Variants in AOPEP observed in about 807,000 individuals in gnomAD.
AOPEP encodes aminopeptidase O.
In AOPEP, 77 loss-of-function variants were observed where a neutral mutation model predicts 98.1. That is an observed-to-expected ratio of 0.78 (90% CI 0.65 to 0.95). The LOEUF (loss-of-function observed/expected upper bound fraction) is 0.95, where lower values mean the gene tolerates loss of function less well. Ranked by LOEUF, AOPEP falls within the 40% of genes least tolerant of loss-of-function variation. AOPEP has a pLI of 0.00. For synonymous variants in AOPEP, 346 were observed against 365.3 expected (o/e 0.95, Z 0.60); for missense variants, 1,024 against 1,024.7 (o/e 1.00, Z 0.01).
At chr9:95,128,209 A>G in the AOPEP span, among the ~76,000 whole-genome samples, 1 of 152,240 alleles carries the variant, frequency 6.6e-6, no homozygotes, top group Non-Finnish European at 1.5e-5. Context: ...AAAAGTTTCT[A>G]TGTATTCATA....
chr9:95,076,453 G>T (rs2069079213), intron 14 of AOPEP, among the ~76,000 whole-genome samples: 1 of 152,146 alleles, frequency 6.6e-6, no homozygotes, highest in Admixed American at 6.5e-5. Flanking sequence ...ATCTGTCAGG[G>T]TCTCGCTAAT....
At chr9:95,013,139 CAGT>C (rs1401896001) in intron 13 of AOPEP, among the ~76,000 whole-genome samples, 3 of 151,972 alleles carry the variant, frequency 2.0e-5, no homozygotes, top group Non-Finnish European at 2.9e-5. Context: ...TCCTTTTACT[CAGT>C]AGGCCAATTA....
chr9:95,092,273 C>T, the AOPEP span, among the ~76,000 whole-genome samples: 3 of 152,106 alleles, frequency 2.0e-5, no homozygotes, highest in Admixed American at 1.3e-4. Flanking sequence ...AGGGGGTGGG[C>T]CCAGGGGGAG....
At chr9:94,774,849 T>C (rs1451275057) in intron 3 of AOPEP, among the ~76,000 whole-genome samples, 1 of 152,234 alleles carries the variant, frequency 6.6e-6, no homozygotes, top group African/African-American at 2.4e-5. Flanking sequence ...CCTGGAACTT[T>C]GCTCATCTGA....
At chr9:94,869,537 A>G (rs952191028) in intron 5 of AOPEP, among the ~76,000 whole-genome samples, 3 of 152,218 alleles carry the variant, frequency 2.0e-5, no homozygotes, top group Non-Finnish European at 4.4e-5. Flanking sequence ...TGTGGGCTGG[A>G]AAAGTTTACT....
intron 14 of AOPEP, among the ~76,000 whole-genome samples, chr9:95,067,229 C>G (rs1230070420): frequency 1.3e-5 from 2 of 152,160 alleles, no homozygotes; most frequent in Non-Finnish European, 2.9e-5. Flanking sequence ...AGCTTTACCC[C>G]TTGTGTTCAG....
chr9:94,900,410 C>T (rs765994649), intron 5 of AOPEP: 1 of 152,218 alleles, frequency 6.6e-6, no homozygotes, highest in East Asian at 1.9e-4. Context: ...TAATTCTCCT[C>T]GGTAGATGAT....
At chr9:94,881,176 C>T (rs542131685) in intron 5 of AOPEP, among the ~76,000 whole-genome samples, 13 of 151,790 alleles carry the variant, frequency 8.6e-5, no homozygotes, top group Non-Finnish European at 1.6e-4. Context: ...GTGGAATTTG[C>T]AAATTAAGTT....
rs183997169 is a variant in AOPEP, at chr9:95,016,004, G to A, written c.2115+10388G>A. Among the ~76,000 whole-genome samples, 54 of 151,948 alleles carry A rather than the reference G, an allele frequency of 3.6e-4. No homozygotes were observed. In the East Asian group the frequency reaches 4.7e-3, roughly 13 times the overall value. ...GGTATGAACCACTTTGCCTGGCCCC[G>A]GAAATTGATCTTTTATCTTTGGCTC... On this transcript the variant is annotated intron_variant, in intron 13 of 16. Coordinates refer to ENST00000375315, the MANE Select transcript of AOPEP (RefSeq NM_001193329.3).
chr9:94,868,580 C>G (rs1343909913), intron 5 of AOPEP, among the ~76,000 whole-genome samples: 1 of 152,164 alleles, frequency 6.6e-6, no homozygotes, highest in Admixed American at 6.5e-5. Flanking sequence ...TCTTTGCTCC[C>G]ATGCATGCTC....
At chr9:95,120,772 T>C in the AOPEP span, among the ~76,000 whole-genome samples, 1 of 152,224 alleles carries the variant, frequency 6.6e-6, no homozygotes, top group Admixed American at 6.5e-5. Context: ...TGCCTTTTTA[T>C]TAGAATATTT....
chr9:94,799,447 G>A (rs1201660682), intron 4 of AOPEP, among the ~76,000 whole-genome samples: 3 of 151,714 alleles, frequency 2.0e-5, no homozygotes, highest in African/African-American at 7.3e-5. Context: ...CAACATGCCT[G>A]TAGTCCTAGC....
At chr9:94,836,717 A>G (rs1182168134) in intron 5 of AOPEP, among the ~76,000 whole-genome samples, 2 of 152,208 alleles carry the variant, frequency 1.3e-5, no homozygotes, top group East Asian at 3.8e-4. Flanking sequence ...AGTACAATTT[A>G]TCAATCTTTT....
chr9:95,085,676 C>T, intron 16 of AOPEP: 1 of 357,110 alleles, frequency 2.8e-6, no homozygotes, highest in Non-Finnish European at 5.5e-6. Flanking sequence ...GATGCACTGT[C>T]TCCTGCTGGG....
chr9:94,916,635 T>C (rs2052839934), intron 5 of AOPEP, among the ~76,000 whole-genome samples: 1 of 147,364 alleles, frequency 6.8e-6, no homozygotes, highest in South Asian at 2.1e-4. Context: ...ACCCGGGAGG[T>C]GGAGGTTGCA....
At chr9:94,838,241 C>T (rs2134696606) in intron 5 of AOPEP, among the ~76,000 whole-genome samples, 1 of 152,290 alleles carries the variant, frequency 6.6e-6, no homozygotes, top group Non-Finnish European at 1.5e-5. Flanking sequence ...GATCTCCTGA[C>T]CTTGTGATCT....
In AOPEP at chr9:94,778,443, C is replaced by CAAAA. The variant is rs34475660; in HGVS notation, c.964+5286_964+5289dup. Among the ~76,000 whole-genome samples, 166 of 138,046 alleles carry CAAAA rather than the reference C, an allele frequency of 1.2e-3. 1 individual carries two copies. The highest frequency in any genetic ancestry group is 3.9e-3 in the African/African-American group (151 of 38,868). The allele number at this position is 138,046 out of a possible 152,430, so 90.6% of individuals were successfully genotyped here. On this transcript the variant is annotated intron_variant, in intron 3 of 16. Coordinates refer to ENST00000375315, the MANE Select transcript of AOPEP (RefSeq NM_001193329.3). ...ACACAATGGACCACTACTGATAAAT[C>CAAAA]AAAAAAAAAAAAAATAGCTAGTGAC...
intron 5 of AOPEP, among the ~76,000 whole-genome samples, chr9:94,861,213 G>A (rs1254894913): frequency 6.6e-6 from 1 of 152,168 alleles, no homozygotes; most frequent in Non-Finnish European, 1.5e-5. Context: ...TCATGACGAA[G>A]GGGAAGGATG....
At chr9:95,011,210 GATT>G (rs1258014929) in intron 13 of AOPEP, among the ~76,000 whole-genome samples, 127 of 102,662 alleles carry the variant, frequency 1.2e-3, no homozygotes, top group African/African-American at 4.7e-3. Context: ...CCTAGCCATT[GATT>G]TTTTTTTTTT....
Sources: gnomAD v4.1 joint callset for allele counts (sites outside exome capture counted in the v4.1 genomes callset) on GRCh38, gnomAD v4.1.1 for gene constraint, MANE v1.5 for transcripts, NCBI Gene and HGNC (gene_info 2026-07-23, HGNC 2026-07-21) for gene names.